DNAH11: variants seen among roughly 807,000 people sequenced by gnomAD.
DNAH11 encodes the protein axonemal beta dynein heavy chain 11.
Under a neutral mutation model 526.0 loss-of-function variants are expected in DNAH11, and 442 were observed. That is an observed-to-expected ratio of 0.84 (90% confidence interval 0.78 to 0.91). The LOEUF is 0.91. Ranked by LOEUF, DNAH11 falls within the 40% of genes least tolerant of loss-of-function variation. The pLI is 0.00. For synonymous variants in DNAH11, 2,461 were observed against 1,935.9 expected, an observed-to-expected ratio of 1.27 and a Z score of -7.12; for missense variants, 6,989 against 5,448.7, an observed-to-expected ratio of 1.28 and a Z score of -8.90.
At position 21,901,017 on chromosome 7, in the gene DNAH11, G is replaced by A. The variant is rs1433590824; in HGVS notation, c.13314G>A (p.Trp4438Ter). 1.3e-6 allele frequency: 2 copies of A among 1,593,062 alleles called. No individual in the cohort carries two copies. Among genetic ancestry groups the A allele is most frequent in the African/African-American group, 1.3e-5 (1 of 74,108 alleles). The change falls in exon 82 of 82, where the codon TGG (tryptophan) becomes TGA (stop). Residue 4438 changes from tryptophan to a stop codon, truncating the protein, a stop_gained. Coordinates refer to ENST00000409508, the MANE Select transcript of DNAH11 (RefSeq NM_001277115.2). LOFTEE classifies it high-confidence loss of function. ...GTGTTTTTGCCATAGGCGCCCGCTG[G>A]GACACCCAAGCAGGAACCATTGTTG... ...LHGLFMEGAR[W>*]DTQAGTIVEA...
intron 65 of DNAH11, among the ~76,000 whole-genome samples, chr7:21,828,460 T>TC (rs199893076): frequency 1.3e-5 from 2 of 152,348 alleles, no homozygotes; most frequent in Admixed American, 1.3e-4. Flanking sequence ...AAGTTTTTTT[T>TC]CCCTTAATAG....
At chr7:21,732,955 C>T (rs1429871498) in intron 45 of DNAH11, among the ~76,000 whole-genome samples, 2 of 152,194 alleles carry the variant, frequency 1.3e-5, no homozygotes, top group Non-Finnish European at 2.9e-5. Context: ...AGTCTCAGGC[C>T]TGGGCAGTGG....
At chr7:21,616,471 TCTGTGAGTGAGTTGATAG>T (rs992164085) in intron 22 of DNAH11, among the ~76,000 whole-genome samples, 179 bp downstream of exon 22, 1 of 152,132 alleles carries the variant, frequency 6.6e-6, no homozygotes, top group African/African-American at 2.4e-5. Context: ...AGCCTGTCTT[TCTGTGAGTGAGTTGATAG>T]AAGCATATTA....
chr7:21,844,937 C>T (rs1356164447), intron 66 of DNAH11, among the ~76,000 whole-genome samples: 1 of 152,182 alleles, frequency 6.6e-6, no homozygotes, highest in African/African-American at 2.4e-5. Flanking sequence ...TGCAACATGC[C>T]AGGAGTGAGT....
chr7:21,791,516 A>G (rs1318743487), intron 61 of DNAH11, among the ~76,000 whole-genome samples: 2 of 152,198 alleles, frequency 1.3e-5, no homozygotes, highest in East Asian at 1.9e-4. Flanking sequence ...TCCTGATGAG[A>G]CTTGTAAACA....
chr7:21,623,561 A>C (rs1786183539), intron 25 of DNAH11, among the ~76,000 whole-genome samples: 1 of 152,168 alleles, frequency 6.6e-6, no homozygotes. Flanking sequence ...ACTTGGAACC[A>C]ACCCAAATGT....
At chr7:21,579,433 C>A (rs1784227996) in intron 8 of DNAH11, among the ~76,000 whole-genome samples, 1 of 152,136 alleles carries the variant, frequency 6.6e-6, no homozygotes, top group African/African-American at 2.4e-5. Context: ...GTGCCCGGTG[C>A]TGGAGTATGA....
At chr7:21,825,859 T>C (rs1210601949) in intron 65 of DNAH11, among the ~76,000 whole-genome samples, 1 of 150,714 alleles carries the variant, frequency 6.6e-6, no homozygotes, top group East Asian at 1.9e-4. Flanking sequence ...CTCGGGAGGC[T>C]GAGGCAGGAG....
intron 66 of DNAH11, among the ~76,000 whole-genome samples, chr7:21,849,326 G>A (rs1410283551): frequency 1.3e-5 from 2 of 152,278 alleles, no homozygotes; most frequent in Non-Finnish European, 2.9e-5. Flanking sequence ...ATCACTGACT[G>A]TATTGCTTTT....
At chr7:21,545,273 T>TAAAAAAAAA in intron 2 of DNAH11, 124 bp downstream of exon 2, 1 of 113,540 alleles carries the variant, frequency 8.8e-6, no homozygotes, top group Non-Finnish European at 1.2e-5. Flanking sequence ...ATGGGGGTGG[T>TAAAAAAAAA]TAAAAAAAAA....
At chr7:21,638,869 G>C (rs1786990040) in intron 27 of DNAH11, 70 bp from the exon 28 acceptor site, 5 of 1,537,322 alleles carry the variant, frequency 3.3e-6, no homozygotes, top group Non-Finnish European at 3.5e-6. Flanking sequence ...GAGGACTTGA[G>C]TTTTGTTTTG....
At chr7:21,705,320 A>T in intron 38 of DNAH11, 140 bp from the exon 39 acceptor site, 1 of 747,928 alleles carries the variant, frequency 1.3e-6, no homozygotes, top group Non-Finnish European at 2.2e-6. Context: ...CTTATGGTCT[A>T]TTTTAACTTT....
intron 66 of DNAH11, among the ~76,000 whole-genome samples, chr7:21,846,374 T>G (rs1455912877): frequency 1.3e-5 from 2 of 152,190 alleles, no homozygotes; most frequent in Admixed American, 6.5e-5. Flanking sequence ...TTAGATCTTC[T>G]TTATCACGTT....
intron 76 of DNAH11, among the ~76,000 whole-genome samples, chr7:21,891,031 C>G (rs1241732607): frequency 1.3e-5 from 2 of 152,070 alleles, no homozygotes; most frequent in Non-Finnish European, 2.9e-5. Flanking sequence ...ACCTGGATTG[C>G]AGGTTTAAGA....
intron 57 of DNAH11, 148 bp downstream of exon 57, chr7:21,779,252 G>A (rs949628359): frequency 1.6e-5 from 16 of 977,898 alleles, no homozygotes; most frequent in South Asian, 6.6e-5. Flanking sequence ...ATTTCACACC[G>A]TGATTACCAC....
intron 3 of DNAH11, 120 bp from the exon 4 acceptor site, chr7:21,559,483 G>A (rs1443754053): frequency 2.2e-5 from 18 of 827,704 alleles, no homozygotes; most frequent in African/African-American, 3.5e-5. Context: ...AAAAATAATG[G>A]ATTTTCAAGA....
intron 58 of DNAH11, among the ~76,000 whole-genome samples, chr7:21,786,292 A>T (rs1006729351): frequency 8.8e-6 from 1 of 114,204 alleles, no homozygotes; most frequent in African/African-American, 3.7e-5. Flanking sequence ...ATATCTTACA[A>T]CATATACACA....
At chr7:21,567,508 A>C (rs986521898) in intron 6 of DNAH11, among the ~76,000 whole-genome samples, 1 of 152,200 alleles carries the variant, frequency 6.6e-6, no homozygotes, top group African/African-American at 2.4e-5. Context: ...ATCTCATTTA[A>C]ATGCCAGCAT....
chr7:21,601,749 C>T (rs1384908110), intron 18 of DNAH11, 131 bp downstream of exon 18: 12 of 639,372 alleles, frequency 1.9e-5, no homozygotes, highest in Admixed American at 4.1e-5. Context: ...TTTCAATTTA[C>T]AGGTTAGGAA....
Sources: gnomAD v4.1 joint callset for allele counts (sites outside exome capture counted in the v4.1 genomes callset) on GRCh38, gnomAD v4.1.1 for gene constraint, MANE v1.5 for transcripts, NCBI Gene and HGNC (gene_info 2026-07-23, HGNC 2026-07-21) for gene names.